PPARG: variants seen among roughly 807,000 people sequenced by gnomAD.
The protein encoded by PPARG is peroxisome proliferator activated receptor gamma.
A neutral mutation model predicts 39.2 loss-of-function variants in PPARG; 17 were observed. That is an observed-to-expected ratio of 0.43 (90% CI 0.30 to 0.65). The LOEUF (loss-of-function observed/expected upper bound fraction) is 0.65. PPARG is among the 30% of genes least tolerant of loss of function. The probability of loss-of-function intolerance (pLI) is 0.13; values close to 1 mark genes in which losing one functional copy is unlikely to be tolerated. For synonymous variants in PPARG, 223 were observed against 215.7 expected, an observed-to-expected ratio of 1.03 and a Z score of -0.30; for missense variants, 406 against 585.9, an observed-to-expected ratio of 0.69 and a Z score of 3.17.
intron 7 of PPARG, among the ~76,000 whole-genome samples, chr3:12,431,923 ACT>A (rs903389755): frequency 3.3e-5 from 5 of 151,640 alleles, no homozygotes; most frequent in African/African-American, 9.7e-5. Context: ...ACAGATTAAG[ACT>A]CTGTCACAAA....
In PPARG at chr3:12,381,385, A is replaced by C. The variant is rs2049651538; in HGVS notation, c.284A>C (p.Lys95Thr). The change falls in exon 4 of 8, where the codon AAG becomes ACG. Residue 95 changes from lysine to threonine, a missense_variant. By Grantham distance (78) the Lys-to-Thr change is moderately conservative. Around this residue, in one of 2 missense-constraint regions of PPARG, gnomAD observed 131 missense variants for 127.9 expected, o/e 1.02. Transcript: ENST00000651735. ...TCTGAGAAGACTCAGCTCTACAATA[A>C]GCCTCATGAAGAGCCTTCCAACTCC... ...YYSEKTQLYNKPHEEPSNSLM... is the reference protein window; with the variant it reads ...YYSEKTQLYNTPHEEPSNSLM... 1.2e-6 allele frequency: 2 copies of C among 1,613,348 alleles called. No homozygotes were observed.
At chr3:12,397,901 C>T (rs1043586073) in intron 5 of PPARG, among the ~76,000 whole-genome samples, 1 of 152,088 alleles carries the variant, frequency 6.6e-6, no homozygotes, top group Non-Finnish European at 1.5e-5. Context: ...CCCACCCCTG[C>T]CCACTTTCCA....
intron 7 of PPARG, among the ~76,000 whole-genome samples, chr3:12,432,125 G>C (rs1412468955): frequency 3.3e-5 from 5 of 152,108 alleles, no homozygotes; most frequent in Non-Finnish European, 5.9e-5. Flanking sequence ...AGCTCAGATG[G>C]TTCTGCAAAC....
intron 2 of PPARG, among the ~76,000 whole-genome samples, chr3:12,340,767 T>C (rs896577395): frequency 6.6e-6 from 1 of 152,196 alleles, no homozygotes; most frequent in Non-Finnish European, 1.5e-5. Context: ...ATTCTAACTA[T>C]GCCCTGTAAT....
intron 2 of PPARG, among the ~76,000 whole-genome samples, chr3:12,324,470 AC>A (rs1205554984): frequency 2.0e-5 from 3 of 152,148 alleles, no homozygotes; most frequent in African/African-American, 7.2e-5. Context: ...GTCATATTTT[AC>A]CTGGAAGAAA....
chr3:12,389,113 A>G (rs2049979609), intron 4 of PPARG, among the ~76,000 whole-genome samples: 1 of 152,166 alleles, frequency 6.6e-6, no homozygotes, highest in Non-Finnish European at 1.5e-5. Context: ...TGGAAGAGTA[A>G]AGTGCAGAAC....
intron 2 of PPARG, among the ~76,000 whole-genome samples, chr3:12,315,471 T>C (rs1360679390): frequency 1.3e-5 from 2 of 152,212 alleles, no homozygotes; most frequent in Non-Finnish European, 2.9e-5. Context: ...CCCTCCACTA[T>C]CTTTGCAACC....
chr3:12,307,584 A>G (rs190568482), intron 1 of PPARG, among the ~76,000 whole-genome samples: 71 of 152,292 alleles, frequency 4.7e-4, no homozygotes, highest in African/African-American at 1.6e-3. Context: ...GAATGAGAGG[A>G]AGAGAGAGAG....
At chr3:12,374,175 C>T (rs1327389045) in intron 2 of PPARG, among the ~76,000 whole-genome samples, 1 of 152,104 alleles carries the variant, frequency 6.6e-6, no homozygotes, top group Non-Finnish European at 1.5e-5. Context: ...TAGTAGAGGA[C>T]AGCAAAACCA....
At chr3:12,304,143 C>T (rs1194399492) in intron 1 of PPARG, among the ~76,000 whole-genome samples, 1 of 152,132 alleles carries the variant, frequency 6.6e-6, no homozygotes, top group Non-Finnish European at 1.5e-5. Context: ...TCACAAGTCA[C>T]GCAAATTTCT....
chr3:12,364,254 C>G (rs924494962), intron 2 of PPARG, among the ~76,000 whole-genome samples: 3 of 152,154 alleles, frequency 2.0e-5, no homozygotes, highest in African/African-American at 7.2e-5. Flanking sequence ...TGATCTTTTT[C>G]CTGTTTTGAT....
At chr3:12,405,514 A>G (rs1320521311) in intron 5 of PPARG, among the ~76,000 whole-genome samples, 1 of 152,244 alleles carries the variant, frequency 6.6e-6, no homozygotes, top group African/African-American at 2.4e-5. Context: ...CCTTAGGTCA[A>G]GTGCTGGGGA....
At chr3:12,304,734 G>A (rs763434175) in intron 1 of PPARG, among the ~76,000 whole-genome samples, 1 of 152,100 alleles carries the variant, frequency 6.6e-6, no homozygotes, top group Non-Finnish European at 1.5e-5. Context: ...GTGAGGTGAG[G>A]GCGGAGAAAA....
intron 2 of PPARG, among the ~76,000 whole-genome samples, chr3:12,318,248 T>G (rs183718801): frequency 6.6e-6 from 1 of 152,118 alleles, no homozygotes; most frequent in African/African-American, 2.4e-5. Flanking sequence ...GGTGTTTTTT[T>G]AAAAAACCCA....
In PPARG at chr3:12,392,772, CATATA is replaced by C; in HGVS notation, c.529+21_529+25del. On this transcript the variant is annotated intron_variant, in intron 5 of 7. Coordinates refer to ENST00000651735, the MANE Select transcript of PPARG (RefSeq NM_138711.6). ...ATAATGGTAAGTAAACAGTCATCAC[CATATA>C]CTTTATTATTCTCATTATAGCTGCC... The C allele has an allele frequency of 6.2e-7, 1 of 1,613,174 alleles. No individual in the cohort carries two copies. The highest frequency in any genetic ancestry group is 8.5e-7 in the Non-Finnish European group (1 of 1,179,404).
At chr3:12,330,231 T>TATACCATTCTGCATTCCCACTGCA (rs2047814976) in intron 2 of PPARG, among the ~76,000 whole-genome samples, 1 of 150,358 alleles carries the variant, frequency 6.7e-6, no homozygotes, top group Non-Finnish European at 1.5e-5. Flanking sequence ...TCACAGCTGC[T>TATACCATTCTGCATTCCCACTGCA]ATACCATTCT....
intron 4 of PPARG, among the ~76,000 whole-genome samples, chr3:12,387,690 T>C (rs984157271): frequency 1.3e-5 from 2 of 152,230 alleles, no homozygotes; most frequent in Non-Finnish European, 2.9e-5. Flanking sequence ...TGATGATAGT[T>C]TCTTTTGCTG....
chr3:12,392,177 C>G (rs2050100316), intron 4 of PPARG, among the ~76,000 whole-genome samples: 1 of 152,154 alleles, frequency 6.6e-6, no homozygotes, highest in Non-Finnish European at 1.5e-5. Flanking sequence ...TGGCCCTGAT[C>G]ATGTTTTAGA....
chr3:12,328,989 G>C (rs2047773827), intron 2 of PPARG, among the ~76,000 whole-genome samples: 1 of 152,168 alleles, frequency 6.6e-6, no homozygotes, highest in South Asian at 2.1e-4. Flanking sequence ...CCGTAATCCT[G>C]AGGCCTCCTA....
Sources: allele counts gnomAD v4.1 joint callset (sites outside exome capture counted in the v4.1 genomes callset), GRCh38; gene constraint gnomAD v4.1.1; regional missense constraint gnomAD v4.1.1; transcripts MANE v1.5; gene names NCBI Gene and HGNC (gene_info 2026-07-23, HGNC 2026-07-21).